The following NCKAP1 variants were observed in gnomAD, a reference collection of about 807,000 sequenced individuals.
NCKAP1 encodes the protein nck-associated protein 1.
Under a neutral mutation model 151.2 loss-of-function variants are expected in NCKAP1, and 21 were observed. The observed-to-expected ratio is 0.14, with a 90% CI of 0.10 to 0.20. The LOEUF is 0.20. NCKAP1 is among the 10% of genes least tolerant of loss of function. NCKAP1 has a pLI of 1.00. For synonymous variants in NCKAP1, 484 were observed against 451.8 expected, an observed-to-expected ratio of 1.07 and a Z score of -0.90; for missense variants, 933 against 1,352.1, an observed-to-expected ratio of 0.69 and a Z score of 4.86.
intron 14 of NCKAP1, among the ~76,000 whole-genome samples, chr2:182,977,852 T>C (rs1461306318): frequency 1.3e-5 from 2 of 152,238 alleles, no homozygotes; most frequent in Non-Finnish European, 2.9e-5. Context: ...AGATGGTCAA[T>C]TTTATGTGTA....
intron 2 of NCKAP1, among the ~76,000 whole-genome samples, chr2:183,013,115 G>A (rs975777877): frequency 6.6e-6 from 1 of 152,004 alleles, no homozygotes; most frequent in African/African-American, 2.4e-5. Context: ...AAACTTTTCT[G>A]TCAATTCATT....
intron 20 of NCKAP1, 122 bp downstream of exon 20, chr2:182,956,340 C>G (rs375746755): frequency 7.8e-6 from 10 of 1,284,266 alleles, no homozygotes; most frequent in East Asian, 7.6e-5. Flanking sequence ...ACGCCCGGCC[C>G]GGTTCATTAT....
rs1287457917 is a variant in NCKAP1 at position 182,909,171 on chromosome 2, G to C, written c.*16531C>G. On this transcript the variant is annotated 3_prime_UTR_variant, in exon 31 of 31. Coordinates refer to ENST00000361354, the MANE Select transcript of NCKAP1 (RefSeq NM_013436.5). ...CACCAAAAGGAATGTAGATCTCTCT[G>C]TTTTGATCTGGAAATAGGTTCAATA... is the stretch of plus-strand genomic sequence containing the variant. The C allele has an allele frequency of 1.3e-5, 2 of 152,244 alleles. No individual in the cohort carries two copies. Among genetic ancestry groups the C allele is most frequent in the East Asian group, 3.9e-4 (2 of 5,172 alleles). The allele number at this position is 152,244 out of a possible 1,614,324, so 9.4% of individuals were successfully genotyped here. A position where few individuals can be genotyped will look rare whatever the true frequency, so the allele number is the denominator to read the frequency against.
Position 183,002,229 on chromosome 2 carries a change from A to G in NCKAP1, c.410T>C (p.Ile137Thr). 2 of 1,568,986 alleles carry G rather than the reference A, an allele frequency of 1.3e-6. No individual in the cohort carries two copies. The highest frequency in any genetic ancestry group is 1.8e-6 in the Non-Finnish European group (2 of 1,141,972). ...FDLTKNYLDL[I>T]ITYTTLMILL... ...TATCATTAGTGTTGTATAGGTTATA[A>G]TTAAATCTAAGTAGTTCTTTGTTAA... The change falls in exon 5 of 31, where the codon ATT (isoleucine) becomes ACT (threonine). Residue 137 changes from isoleucine to threonine, a missense_variant. Transcript: ENST00000361354.
At position 183,030,983 on chromosome 2, in the gene NCKAP1, G is replaced by C. The variant is rs560126525; in HGVS notation, c.108+7009C>G. On this transcript the variant is annotated intron_variant, in intron 1 of 30. Coordinates refer to ENST00000361354, the MANE Select transcript of NCKAP1 (RefSeq NM_013436.5). ...ACTTTCCCTCTTAGGTAGGTAAAAA[G>C]AAAAGAGAGCAATCTACTGCTAGTA... Among the ~76,000 whole-genome samples the C allele has an allele frequency of 3.3e-5, 5 of 152,232 alleles. No individual in the cohort carries two copies. In the South Asian group the frequency reaches 6.2e-4, roughly 19 times the overall value.
intron 1 of NCKAP1, among the ~76,000 whole-genome samples, chr2:183,033,151 T>C (rs1699038376): frequency 6.6e-6 from 1 of 152,208 alleles, no homozygotes; most frequent in African/African-American, 2.4e-5. Flanking sequence ...TTGAGTAAAT[T>C]ATCTGGTAAT....
rs1438259762 is a variant in NCKAP1 at position 182,910,954 on chromosome 2, C to CCG, written c.*14747_*14748insCG. ...AATAAAAATAAAATCCTAAGCTCCCCCCCCACATTTGACTAAACAGACCCT... is the reference window on the plus strand; with the variant it reads ...AATAAAAATAAAATCCTAAGCTCCCCCGCCCCACATTTGACTAAACAGACCCT... On this transcript the variant is annotated 3_prime_UTR_variant, in exon 31 of 31. Coordinates refer to ENST00000361354, the MANE Select transcript of NCKAP1 (RefSeq NM_013436.5). 2.0e-5 allele frequency: 3 copies of CCG among 147,146 alleles called. No homozygotes were observed. Among genetic ancestry groups the CCG allele is most frequent in the Non-Finnish European group, 4.5e-5 (3 of 66,042 alleles). The allele number at this position is 147,146 out of a possible 1,614,324, so 9.1% of individuals were successfully genotyped here.
Position 182,989,094 on chromosome 2 carries a change from G to C in NCKAP1, c.883C>G (p.Leu295Val). ...LALQSSSCLS[L>V]FRDEVFHIHK... The stretch of plus-strand genomic sequence containing the variant: ...ATGTGGAAAACTTCATCCCGAAAGA[G>C]AGAGAGGCAAGAGCTACTTTGAAGA... The change falls in exon 9 of 31, where the codon CTC becomes GTC. Residue 295 changes from leucine to valine, a missense_variant. Leu to Val is a conservative substitution (Grantham distance 32). Transcript: ENST00000361354. 4 of 1,613,892 alleles carry C rather than the reference G, an allele frequency of 2.5e-6. No individual in the cohort carries two copies. Among genetic ancestry groups the C allele is most frequent in the South Asian group, 1.1e-5 (1 of 91,072 alleles).
In NCKAP1 at chr2:182,983,296, A is replaced by G. The variant is rs755290048; in HGVS notation, c.1091T>C (p.Leu364Pro). ...ATVLSDQPGL[L>P]GPKALFVFMA... ...AATTAAATGAATTACCTTGGGACCT[A>G]GCAATCCAGGTTGATCAGAGAGGAC... The change falls in exon 11 of 31, where the codon CTA (leucine) becomes CCA (proline). Residue 364 changes from leucine (L) to proline (P), a missense_variant. Around this residue, in one of 2 missense-constraint regions of NCKAP1, gnomAD observed 607 missense variants for 795.0 expected, o/e 0.76. Coordinates refer to ENST00000361354, the MANE Select transcript of NCKAP1 (RefSeq NM_013436.5). 6.2e-7 allele frequency: 1 copy of G among 1,604,484 alleles called. No individual in the cohort carries two copies. Among genetic ancestry groups the G allele is most frequent in the Non-Finnish European group, 8.5e-7 (1 of 1,171,958 alleles).
rs1314339038 is a variant in NCKAP1 at position 182,916,400 on chromosome 2, C to G, written c.*9302G>C. 8 of 152,120 alleles carry G rather than the reference C, an allele frequency of 5.3e-5. No homozygotes were observed. Among genetic ancestry groups the G allele is most frequent in the Admixed American group, 5.2e-4 (8 of 15,262 alleles). The allele number at this position is 152,120 out of a possible 1,614,324, so 9.4% of individuals were successfully genotyped here. On this transcript the variant is annotated 3_prime_UTR_variant, in exon 31 of 31. Transcript: ENST00000361354. The stretch of plus-strand genomic sequence containing the variant: ...TTAAAGTAAGATTCTGAGAGTTACA[C>G]AGGGTAGGAAATTTGACTAAACAGA...
chr2:182,982,532 T>A (rs898228273), intron 12 of NCKAP1, among the ~76,000 whole-genome samples: 1 of 152,214 alleles, frequency 6.6e-6, no homozygotes, highest in Non-Finnish European at 1.5e-5. Context: ...TCTCTCATGA[T>A]GCTGCCGTAG....
intron 18 of NCKAP1, among the ~76,000 whole-genome samples, chr2:182,959,683 AG>A (rs1372812173): frequency 6.6e-6 from 1 of 152,226 alleles, no homozygotes; most frequent in African/African-American, 2.4e-5. Context: ...AGCACAAGAC[AG>A]GGATGCCCTC....
intron 24 of NCKAP1, among the ~76,000 whole-genome samples, chr2:182,939,393 G>A (rs1458967405): frequency 6.6e-6 from 1 of 152,094 alleles, no homozygotes; most frequent in East Asian, 1.9e-4. Context: ...GCCGAGTGTG[G>A]TAGTGCATGC....
At chr2:182,977,942 T>C (rs901236816) in intron 14 of NCKAP1, among the ~76,000 whole-genome samples, 1 of 152,166 alleles carries the variant, frequency 6.6e-6, no homozygotes, top group African/African-American at 2.4e-5. Flanking sequence ...GTAAAGATGA[T>C]GATAAAGGAG....
chr2:182,947,702 C>G (rs1167496757), intron 23 of NCKAP1, among the ~76,000 whole-genome samples: 1 of 152,006 alleles, frequency 6.6e-6, no homozygotes, highest in East Asian at 1.9e-4. Flanking sequence ...TCTTTTGTTC[C>G]TATAATTTCA....
intron 2 of NCKAP1, among the ~76,000 whole-genome samples, chr2:183,014,575 G>C (rs1698648673): frequency 6.6e-6 from 1 of 151,988 alleles, no homozygotes; most frequent in Admixed American, 6.6e-5. Context: ...TCTTGGCCAG[G>C]GACCATTAAT....
chr2:182,961,635 C>T (rs1382636500), intron 18 of NCKAP1, among the ~76,000 whole-genome samples: 4 of 151,914 alleles, frequency 2.6e-5, no homozygotes, highest in African/African-American at 9.7e-5. Context: ...TGTTAAATGA[C>T]GAGTTAATGG....
intron 15 of NCKAP1, among the ~76,000 whole-genome samples, chr2:182,974,783 C>A (rs1697771523): frequency 6.6e-6 from 1 of 151,808 alleles, no homozygotes; most frequent in Non-Finnish European, 1.5e-5. Flanking sequence ...TTTGTTATGG[C>A]AGCCCTAGGA....
rs1320498381 is a variant in NCKAP1 at position 182,920,638 on chromosome 2, C to A, written c.*5064G>T. On this transcript the variant is annotated 3_prime_UTR_variant, in exon 31 of 31. Transcript: ENST00000361354. Reference sequence around the variant, plus strand: ...CTTTCTGGTTCATGAACAGTGGCTTCTTGCTTTGTCCTCACGTGGTGGTTG... The same window carrying A: ...CTTTCTGGTTCATGAACAGTGGCTTATTGCTTTGTCCTCACGTGGTGGTTG... The A allele has an allele frequency of 6.6e-6, 1 of 152,240 alleles. No individual in the cohort carries two copies. Among genetic ancestry groups the A allele is most frequent in the Non-Finnish European group, 1.5e-5 (1 of 68,128 alleles). 9.4% of individuals were successfully genotyped at this position (152,240 alleles called of 1,614,324 possible).
Sources: allele counts gnomAD v4.1 joint callset (sites outside exome capture counted in the v4.1 genomes callset), GRCh38; gene constraint gnomAD v4.1.1; regional missense constraint gnomAD v4.1.1; transcripts MANE v1.5; gene names NCBI Gene and HGNC (gene_info 2026-07-23, HGNC 2026-07-21).